The following CSMD1 variants were observed in gnomAD, a reference collection of about 807,000 sequenced individuals.
The protein encoded by CSMD1 is CUB and sushi domain-containing protein 1.
Under a neutral mutation model 417.5 loss-of-function variants are expected in CSMD1, and 213 were observed. That is an observed-to-expected ratio of 0.51 (90% confidence interval 0.46 to 0.57). The LOEUF (loss-of-function observed/expected upper bound fraction) is 0.57. Among genes scored for constraint, CSMD1 ranks in the 20% least tolerant of loss-of-function variants. The pLI is 0.00. For synonymous variants in CSMD1, 2,862 were observed against 1,736.8 expected, an observed-to-expected ratio of 1.65 and a Z score of -16.11; for missense variants, 6,923 against 4,529.7, an observed-to-expected ratio of 1.53 and a Z score of -15.17.
At chr8:4,526,003 G>A (rs1305953758) in intron 2 of CSMD1, among the ~76,000 whole-genome samples, 14 of 152,116 alleles carry the variant, frequency 9.2e-5, no homozygotes, top group Non-Finnish European at 1.5e-5. Flanking sequence ...ACAGTGGGGA[G>A]CTCTGTTTCA....
At chr8:3,595,277 C>T (rs1487671063) in intron 8 of CSMD1, among the ~76,000 whole-genome samples, 1 of 152,184 alleles carries the variant, frequency 6.6e-6, no homozygotes, top group Non-Finnish European at 1.5e-5. Flanking sequence ...CATTGTGTGA[C>T]TTGCTCAGCA....
intron 50 of CSMD1, among the ~76,000 whole-genome samples, chr8:3,042,353 C>A (rs563763852): frequency 1.3e-5 from 2 of 152,188 alleles, no homozygotes; most frequent in East Asian, 3.9e-4. Context: ...AGCAAACAGC[C>A]TCAGAAGAGA....
chr8:3,268,011 C>T (rs1275757106), intron 26 of CSMD1, among the ~76,000 whole-genome samples: 1 of 152,140 alleles, frequency 6.6e-6, no homozygotes, highest in African/African-American at 2.4e-5. Context: ...TCAGTTGCCT[C>T]TGTCTGCCCT....
intron 3 of CSMD1, among the ~76,000 whole-genome samples, chr8:4,392,900 C>T (rs554065922): frequency 2.6e-5 from 4 of 151,906 alleles, no homozygotes; most frequent in East Asian, 2.0e-4. Context: ...ACCCAGGAGA[C>T]GGAGCTTGCA....
chr8:3,005,385 T>C (rs866442812), intron 52 of CSMD1, among the ~76,000 whole-genome samples: 11 of 152,116 alleles, frequency 7.2e-5, no homozygotes, highest in Admixed American at 4.6e-4. Flanking sequence ...CTATTCCAAT[T>C]AATAGAAAAA....
At position 4,687,808 on chromosome 8, in the gene CSMD1, C is replaced by T. The variant is rs576078334; in HGVS notation, c.86-50250G>A. Among the ~76,000 whole-genome samples the T allele has an allele frequency of 8.9e-5, 13 of 146,172 alleles. 1 individual carries two copies. In the South Asian group the frequency reaches 2.7e-3, roughly 30 times the overall value. Reference sequence around the variant, plus strand: ...TGATTTCAGGGAATGCATGCACAGACAGATACACACAAACACACATACATA... The same window carrying T: ...TGATTTCAGGGAATGCATGCACAGATAGATACACACAAACACACATACATA... On this transcript the variant is annotated intron_variant, in intron 1 of 69. Transcript: ENST00000635120.
intron 5 of CSMD1, among the ~76,000 whole-genome samples, chr8:3,994,061 G>T (rs771744267): frequency 6.6e-6 from 1 of 152,190 alleles, no homozygotes; most frequent in South Asian, 2.1e-4. Flanking sequence ...GGACAGCTTG[G>T]GAAGGCACAC....
intron 3 of CSMD1, among the ~76,000 whole-genome samples, chr8:4,315,939 C>G (rs1013799932): frequency 6.6e-6 from 1 of 152,096 alleles, no homozygotes; most frequent in Non-Finnish European, 1.5e-5. Flanking sequence ...ATATAACCTT[C>G]TCTTAACTCC....
intron 3 of CSMD1, among the ~76,000 whole-genome samples, chr8:4,165,939 C>T (rs1170617845): frequency 6.6e-6 from 1 of 152,220 alleles, no homozygotes; most frequent in East Asian, 1.9e-4. Flanking sequence ...ACTATCATTA[C>T]TCTTACTCTT....
chr8:4,916,326 T>G (rs913708244), intron 1 of CSMD1, among the ~76,000 whole-genome samples: 5 of 152,310 alleles, frequency 3.3e-5, no homozygotes, highest in Middle Eastern at 6.8e-3. Context: ...GTTGACAATG[T>G]TTATGGGCAA....
At chr8:4,559,235 T>C (rs1000181185) in intron 2 of CSMD1, among the ~76,000 whole-genome samples, 1 of 148,222 alleles carries the variant, frequency 6.7e-6, no homozygotes, top group Admixed American at 6.6e-5. Context: ...ACTTAAAATG[T>C]TGGATAAACT....
At chr8:4,722,724 G>T (rs929146028) in intron 1 of CSMD1, among the ~76,000 whole-genome samples, 1 of 152,022 alleles carries the variant, frequency 6.6e-6, no homozygotes, top group African/African-American at 2.4e-5. Context: ...TGATTTTTAC[G>T]GAAAGAAAAA....
At chr8:4,263,690 A>T (rs1462861486) in intron 3 of CSMD1, among the ~76,000 whole-genome samples, 1 of 152,162 alleles carries the variant, frequency 6.6e-6, no homozygotes, top group Non-Finnish European at 1.5e-5. Context: ...ATATCACCTT[A>T]ATTTAAGGAA....
intron 1 of CSMD1, among the ~76,000 whole-genome samples, chr8:4,757,979 A>AG (rs1811775798): frequency 6.6e-6 from 1 of 151,282 alleles, no homozygotes; most frequent in African/African-American, 2.4e-5. Context: ...AAAAAAAAAA[A>AG]AGGAAAAGAG....
intron 12 of CSMD1, among the ~76,000 whole-genome samples, chr8:3,458,414 G>T (rs1034072109): frequency 2.6e-5 from 4 of 152,040 alleles, no homozygotes; most frequent in African/African-American, 7.2e-5. Flanking sequence ...AAGAGTCAAT[G>T]GGTCTTCTGA....
At chr8:4,207,955 T>C (rs753059366) in intron 3 of CSMD1, among the ~76,000 whole-genome samples, 1 of 152,112 alleles carries the variant, frequency 6.6e-6, no homozygotes, top group Non-Finnish European at 1.5e-5. Context: ...GAATTTATCT[T>C]TAGGCAATAT....
At chr8:3,756,352 CA>C (rs34120010) in intron 5 of CSMD1, among the ~76,000 whole-genome samples, 24,464 of 140,066 alleles carry the variant, frequency 0.17, 1,998 homozygotes, top group African/African-American at 0.2. Context: ...GACTCCATCT[CA>C]AAAAAAAAAA....
intron 3 of CSMD1, among the ~76,000 whole-genome samples, chr8:4,273,513 G>C (rs545805944): frequency 6.6e-6 from 1 of 152,086 alleles, no homozygotes; most frequent in Non-Finnish European, 1.5e-5. Flanking sequence ...TAGCAAATAA[G>C]AATAGAGGAC....
At chr8:4,319,794 G>C (rs967756207) in intron 3 of CSMD1, among the ~76,000 whole-genome samples, 4 of 152,064 alleles carry the variant, frequency 2.6e-5, no homozygotes, top group African/African-American at 9.7e-5. Flanking sequence ...AGAGAAGAGA[G>C]CTTCACAAGA....
Sources: allele counts gnomAD v4.1 joint callset (sites outside exome capture counted in the v4.1 genomes callset), GRCh38; gene constraint gnomAD v4.1.1; transcripts MANE v1.5; gene names NCBI Gene and HGNC (gene_info 2026-07-23, HGNC 2026-07-21).